PTPRT: variants seen among roughly 807,000 people sequenced by gnomAD.
PTPRT encodes the protein receptor-type tyrosine-protein phosphatase T.
A neutral mutation model predicts 176.8 loss-of-function variants in PTPRT; 56 were observed. The ratio of observed to expected loss-of-function variants is 0.32; its 90% CI spans 0.26 to 0.40. The LOEUF (loss-of-function observed/expected upper bound fraction) is 0.40. Ranked by LOEUF, PTPRT falls within the 10% of genes least tolerant of loss-of-function variation. PTPRT has a pLI of 1.00. For synonymous variants in PTPRT, 783 were observed against 739.0 expected, an observed-to-expected ratio of 1.06 and a Z score of -0.96; for missense variants, 1,540 against 1,908.2, an observed-to-expected ratio of 0.81 and a Z score of 3.60.
intron 9 of PTPRT, among the ~76,000 whole-genome samples, chr20:42,376,790 T>C (rs1042550661): frequency 6.6e-6 from 1 of 151,554 alleles, no homozygotes; most frequent in Non-Finnish European, 1.5e-5. Flanking sequence ...TACGAAAAAA[T>C]GGTGACAAAT....
chr20:42,385,583 G>C (rs957443855), intron 9 of PTPRT, among the ~76,000 whole-genome samples: 1 of 152,170 alleles, frequency 6.6e-6, no homozygotes, highest in Non-Finnish European at 1.5e-5. Context: ...GTATTAGTCT[G>C]TTCTCATGCT....
chr20:42,124,057 C>T (rs984331935), intron 19 of PTPRT, among the ~76,000 whole-genome samples: 1 of 152,166 alleles, frequency 6.6e-6, no homozygotes, highest in Non-Finnish European at 1.5e-5. Flanking sequence ...TCCCACGCTG[C>T]ATCTGAGTAA....
intron 1 of PTPRT, among the ~76,000 whole-genome samples, chr20:43,066,670 A>C (rs1185027245): frequency 2.6e-5 from 4 of 152,036 alleles, no homozygotes; most frequent in Non-Finnish European, 4.4e-5. Flanking sequence ...CCCTGTTCCA[A>C]CCTGAACTGT....
intron 1 of PTPRT, among the ~76,000 whole-genome samples, chr20:42,975,809 A>G (rs1028344776): frequency 1.3e-5 from 2 of 152,152 alleles, no homozygotes; most frequent in African/African-American, 4.8e-5. Context: ...CCACCATGGC[A>G]CACGTATGCC....
intron 27 of PTPRT, among the ~76,000 whole-genome samples, chr20:42,091,110 C>CA (rs928863932): frequency 2.0e-5 from 3 of 151,946 alleles, no homozygotes; most frequent in Non-Finnish European, 4.4e-5. Flanking sequence ...ATGCTTCTTC[C>CA]AAAAAAACAG....
At chr20:42,432,938 C>T (rs182463880) in intron 9 of PTPRT, among the ~76,000 whole-genome samples, 24 of 152,304 alleles carry the variant, frequency 1.6e-4, no homozygotes, top group Non-Finnish European at 3.2e-4. Flanking sequence ...TCTCTTGAGA[C>T]TGTTTTCCCA....
At chr20:42,152,859 G>T (rs1989196250) in intron 17 of PTPRT, among the ~76,000 whole-genome samples, 1 of 152,116 alleles carries the variant, frequency 6.6e-6, no homozygotes, top group South Asian at 2.1e-4. Flanking sequence ...CTGTGCAACG[G>T]GTGTAAGATT....
chr20:42,293,586 C>A (rs1049312408), intron 12 of PTPRT, among the ~76,000 whole-genome samples: 1 of 152,094 alleles, frequency 6.6e-6, no homozygotes, highest in African/African-American at 2.4e-5. Flanking sequence ...TAATAAATTG[C>A]AAGGATTTGA....
In PTPRT at chr20:42,779,170, C is replaced by A. The variant is rs78197744; in HGVS notation, c.568+1048G>T. Among the ~76,000 whole-genome samples the A allele has an allele frequency of 2.4e-3, 366 of 152,300 alleles. 2 individuals carry two copies. The highest frequency in any genetic ancestry group is 8.2e-3 in the African/African-American group (340 of 41,556). On this transcript the variant is annotated intron_variant, in intron 4 of 30. Coordinates refer to ENST00000373187, the MANE Select transcript of PTPRT (RefSeq NM_007050.6). ...ATTTGAGGGTCTGACAAATTCATTGCAGCAGAAGTGGAAAGAGTTATTTCA... is the reference window on the plus strand; with the variant it reads ...ATTTGAGGGTCTGACAAATTCATTGAAGCAGAAGTGGAAAGAGTTATTTCA...
chr20:42,152,624 G>T (rs2146464446), intron 17 of PTPRT, among the ~76,000 whole-genome samples: 1 of 152,290 alleles, frequency 6.6e-6, no homozygotes, highest in Non-Finnish European at 1.5e-5. Flanking sequence ...TCACGCGAGG[G>T]TACCTCTATT....
intron 3 of PTPRT, among the ~76,000 whole-genome samples, chr20:42,789,088 A>G (rs1483674027): frequency 1.3e-5 from 2 of 152,240 alleles, no homozygotes; most frequent in African/African-American, 2.4e-5. Context: ...TCAGCTATAC[A>G]TTTTATGAGT....
intron 1 of PTPRT, among the ~76,000 whole-genome samples, chr20:42,999,635 G>GTTGTT (rs1555815051): frequency 2.7e-5 from 4 of 150,522 alleles, no homozygotes; most frequent in South Asian, 2.1e-4. Flanking sequence ...TTGTTGTTGT[G>GTTGTT]GTGGTTGTTG....
At chr20:42,795,933 CAGTG>C (rs1405450313) in intron 2 of PTPRT, among the ~76,000 whole-genome samples, 1 of 152,198 alleles carries the variant, frequency 6.6e-6, no homozygotes, top group African/African-American at 2.4e-5. Flanking sequence ...CAGCAGGTAA[CAGTG>C]AGCCCAATGC....
chr20:42,343,212 T>C (rs926723758), intron 11 of PTPRT, among the ~76,000 whole-genome samples: 1 of 152,096 alleles, frequency 6.6e-6, no homozygotes. Context: ...AGTTCCTAAC[T>C]CCCCCATTCA....
intron 1 of PTPRT, among the ~76,000 whole-genome samples, chr20:42,897,949 A>G (rs914465586): frequency 6.6e-6 from 1 of 152,212 alleles, no homozygotes; most frequent in Non-Finnish European, 1.5e-5. Context: ...GAAATGGAAA[A>G]GGCAGATGTA....
At chr20:42,281,495 G>A (rs2057138136) in intron 13 of PTPRT, among the ~76,000 whole-genome samples, 1 of 152,082 alleles carries the variant, frequency 6.6e-6, no homozygotes, top group African/African-American at 2.4e-5. Flanking sequence ...AGTAGCTGTA[G>A]ATTTTTTTCT....
At chr20:42,500,649 C>T (rs1371168089) in intron 7 of PTPRT, among the ~76,000 whole-genome samples, 1 of 152,088 alleles carries the variant, frequency 6.6e-6, no homozygotes, top group African/African-American at 2.4e-5. Flanking sequence ...GTTGGTGCAT[C>T]CCTTCCTCAC....
At chr20:42,651,773 A>T (rs1294960831) in intron 7 of PTPRT, among the ~76,000 whole-genome samples, 2 of 152,182 alleles carry the variant, frequency 1.3e-5, no homozygotes, top group Non-Finnish European at 2.9e-5. Flanking sequence ...ATGGCCAGGC[A>T]CAGTGGCTCA....
intron 1 of PTPRT, among the ~76,000 whole-genome samples, chr20:42,977,106 A>G (rs1982999951): frequency 6.6e-6 from 1 of 152,214 alleles, no homozygotes; most frequent in Admixed American, 6.5e-5. Context: ...ACAGACTCAT[A>G]GGAGAATTCA....
Sources: gnomAD v4.1 joint callset for allele counts (sites outside exome capture counted in the v4.1 genomes callset) on GRCh38, gnomAD v4.1.1 for gene constraint, MANE v1.5 for transcripts, NCBI Gene and HGNC (gene_info 2026-07-23, HGNC 2026-07-21) for gene names.